CPQ: variants seen among roughly 807,000 people sequenced by gnomAD.
CPQ encodes the protein carboxypeptidase Q, also known as Ser-Met dipeptidase.
A neutral mutation model predicts 45.7 loss-of-function variants in CPQ; 37 were observed. The observed-to-expected ratio is 0.81, with a 90% CI of 0.62 to 1.07. The LOEUF (loss-of-function observed/expected upper bound fraction) is 1.07, where lower values mean the gene tolerates loss of function less well. CPQ is among the 50% of genes least tolerant of loss of function. The probability of loss-of-function intolerance (pLI) is 0.00; values close to 1 mark genes in which losing one functional copy is unlikely to be tolerated. For synonymous variants in CPQ, 186 were observed against 205.8 expected (o/e 0.90, Z 0.82); for missense variants, 537 against 572.9 (o/e 0.94, Z 0.64).
chr8:97,010,681 C>G (rs1001498727), intron 5 of CPQ, among the ~76,000 whole-genome samples: 1 of 152,124 alleles, frequency 6.6e-6, no homozygotes, highest in African/African-American at 2.4e-5. Flanking sequence ...GATCACCTTT[C>G]TGCCCTCCCT....
intron 1 of CPQ, among the ~76,000 whole-genome samples, chr8:96,680,243 A>G (rs1809131390): frequency 6.6e-6 from 1 of 152,046 alleles, no homozygotes; most frequent in African/African-American, 2.4e-5. Flanking sequence ...TCCTCTTGTT[A>G]CTGATATATA....
intron 5 of CPQ, among the ~76,000 whole-genome samples, chr8:97,001,735 T>G (rs1442498725): frequency 6.8e-6 from 1 of 146,006 alleles, no homozygotes; most frequent in Non-Finnish European, 1.5e-5. Context: ...TTTTTTTTTT[T>G]TTTTTTTTTG....
chr8:96,835,101 A>G lies in CPQ; in HGVS notation c.562A>G (p.Thr188Ala). The G allele has an allele frequency of 6.2e-7, 1 of 1,602,044 alleles. No individual in the cohort carries two copies. Among genetic ancestry groups the G allele is most frequent in the Non-Finnish European group, 8.5e-7 (1 of 1,174,042 alleles). The change falls in exon 3 of 8, where the codon ACG becomes GCG. Residue 188 changes from threonine to alanine, a missense_variant. By Grantham distance (58) the Thr-to-Ala change is moderately conservative (BLOSUM62 0). Coordinates refer to ENST00000220763, the MANE Select transcript of CPQ (RefSeq NM_016134.4). ...INYSRTVQYR[T>A]QGAVEAAKVG... ...CTACTCAAGGACGGTGCAATACCGA[A>G]CGCAGGGGGCGGTGGAAGCTGCCAA...
Position 96,854,307 on chromosome 8 carries a change from G to A in CPQ, c.641+19127G>A, listed in dbSNP as rs952512582. Among the ~76,000 whole-genome samples, 8 of 151,550 alleles carry A rather than the reference G, an allele frequency of 5.3e-5. No homozygotes were observed. The South Asian group carries it at 6.2e-4, about 12-fold the overall frequency. On this transcript the variant is annotated intron_variant, in intron 3 of 7. Transcript: ENST00000220763. Reference sequence around the variant, plus strand: ...AGCACTTTGGGAGGCCGAGGCGGGCGGATCACGAGGTCAGGAGATCGAGAC... The same window carrying A: ...AGCACTTTGGGAGGCCGAGGCGGGCAGATCACGAGGTCAGGAGATCGAGAC...
chr8:96,937,061 T>C (rs960436158), intron 4 of CPQ, among the ~76,000 whole-genome samples: 1 of 152,140 alleles, frequency 6.6e-6, no homozygotes, highest in Non-Finnish European at 1.5e-5. Flanking sequence ...CTACTCTATG[T>C]CATTGTCTCT....
chr8:96,897,971 T>G (rs940451061), intron 4 of CPQ, among the ~76,000 whole-genome samples: 1 of 152,200 alleles, frequency 6.6e-6, no homozygotes, highest in Non-Finnish European at 1.5e-5. Flanking sequence ...TGGTGAATTG[T>G]GTTTTTTAAA....
intron 3 of CPQ, among the ~76,000 whole-genome samples, chr8:96,854,828 A>C (rs1390385886): frequency 2.0e-5 from 3 of 152,172 alleles, no homozygotes; most frequent in African/African-American, 4.8e-5. Context: ...TAAAGCTAGC[A>C]GACTGGAGAC....
chr8:96,977,800 C>T (rs770236892), intron 5 of CPQ, among the ~76,000 whole-genome samples: 18 of 152,108 alleles, frequency 1.2e-4, no homozygotes, highest in Non-Finnish European at 1.9e-4. Context: ...AAGAATGATA[C>T]ATTGGACTTT....
intron 1 of CPQ, among the ~76,000 whole-genome samples, chr8:96,759,635 A>G (rs1810373358): frequency 3.3e-5 from 5 of 152,168 alleles, no homozygotes; most frequent in Admixed American, 2.0e-4. Context: ...ACCATGAAGA[A>G]TGTTGAGATT....
chr8:97,078,982 T>A (rs1810902595), intron 7 of CPQ, among the ~76,000 whole-genome samples: 1 of 152,078 alleles, frequency 6.6e-6, no homozygotes, highest in Admixed American at 6.6e-5. Flanking sequence ...AAAATTTTTA[T>A]TTTTAGAGAT....
At chr8:96,763,373 C>A (rs1256009966) in intron 1 of CPQ, among the ~76,000 whole-genome samples, 1 of 152,070 alleles carries the variant, frequency 6.6e-6, no homozygotes, top group Non-Finnish European at 1.5e-5. Flanking sequence ...TGCCTTTGTA[C>A]CTTTCTCAAG....
intron 1 of CPQ, among the ~76,000 whole-genome samples, chr8:96,725,501 C>A (rs1809824470): frequency 6.6e-6 from 1 of 152,154 alleles, no homozygotes; most frequent in Non-Finnish European, 1.5e-5. Flanking sequence ...CATCATTAAT[C>A]ATCAGAGAAA....
chr8:96,848,335 A>G (rs1258439723), intron 3 of CPQ, among the ~76,000 whole-genome samples: 3 of 152,214 alleles, frequency 2.0e-5, no homozygotes, highest in Non-Finnish European at 4.4e-5. Context: ...CTACACATTT[A>G]GATATAAAAT....
rs372241683 is a variant in CPQ, at chr8:96,737,355, G to GATATATATATATATATATATATATATAT, written c.-34-47495_-34-47494insATATATATATATATATATATATATATAT. On this transcript the variant is annotated intron_variant, in intron 1 of 7. Coordinates refer to ENST00000220763, the MANE Select transcript of CPQ (RefSeq NM_016134.4). ...ACACACTCACACAGAACTAATAGGA[G>GATATATATATATATATATATATATATAT]ATATATATATATATGAGTTTATTAA... 1.7e-3 allele frequency among the ~76,000 whole-genome samples: 206 copies of GATATATATATATATATATATATATATAT among 117,780 alleles called. 4 individuals carry two copies. Among genetic ancestry groups the GATATATATATATATATATATATATATAT allele is most frequent in the Middle Eastern group, 9.3e-3 (2 of 214 alleles). 77.3% of individuals were successfully genotyped at this position (117,780 alleles called of 152,430 possible). A position where few individuals can be genotyped will look rare whatever the true frequency, so the allele number is the denominator to read the frequency against.
intron 5 of CPQ, among the ~76,000 whole-genome samples, chr8:96,998,714 T>C (rs1809217830): frequency 6.6e-6 from 1 of 151,966 alleles, no homozygotes; most frequent in Non-Finnish European, 1.5e-5. Flanking sequence ...CATTGAAGCT[T>C]TCCTTGATTA....
At chr8:97,048,687 C>G (rs1336561386) in intron 6 of CPQ, among the ~76,000 whole-genome samples, 1 of 152,194 alleles carries the variant, frequency 6.6e-6, no homozygotes, top group African/African-American at 2.4e-5. Flanking sequence ...TGATCAGGAG[C>G]TGCCCCTTTT....
intron 1 of CPQ, among the ~76,000 whole-genome samples, chr8:96,718,973 C>T (rs964616455): frequency 2.6e-5 from 4 of 152,250 alleles, no homozygotes; most frequent in African/African-American, 9.6e-5. Context: ...CTGAGCTAGA[C>T]ATAAAGGTTC....
At chr8:97,030,207 C>T (rs1341624737) in intron 6 of CPQ, among the ~76,000 whole-genome samples, 1 of 152,204 alleles carries the variant, frequency 6.6e-6, no homozygotes, top group Non-Finnish European at 1.5e-5. Flanking sequence ...CGCGCATATG[C>T]TGGCAAGCAG....
chr8:97,142,172 T>G (rs777328624), intron 7 of CPQ, among the ~76,000 whole-genome samples: 25 of 152,214 alleles, frequency 1.6e-4, no homozygotes, highest in Non-Finnish European at 2.8e-4. Context: ...CTGTACAATC[T>G]TATGTGTGTA....
Sources: allele counts gnomAD v4.1 joint callset (sites outside exome capture counted in the v4.1 genomes callset), GRCh38; gene constraint gnomAD v4.1.1; transcripts MANE v1.5; gene names NCBI Gene and HGNC (gene_info 2026-07-23, HGNC 2026-07-21).